Variants in CSMD1 observed in about 807,000 individuals in gnomAD.
The protein encoded by CSMD1 is CUB and Sushi multiple domains 1.
In CSMD1, 213 loss-of-function variants were observed where a neutral mutation model predicts 417.5. The ratio of observed to expected loss-of-function variants is 0.51; its 90% CI spans 0.46 to 0.57. The LOEUF is 0.57. Among genes scored for constraint, CSMD1 ranks in the 20% least tolerant of loss-of-function variants. The probability of loss-of-function intolerance (pLI) is 0.00; values close to 1 mark genes in which losing one functional copy is unlikely to be tolerated. For missense variants in CSMD1, 6,923 were observed against 4,529.7 expected, an observed-to-expected ratio of 1.53 and a Z score of -15.17; for synonymous variants, 2,862 against 1,736.8, an observed-to-expected ratio of 1.65 and a Z score of -16.11.
Position 4,133,333 on chromosome 8 carries a change from C to A in CSMD1, c.416-101234G>T, listed in dbSNP as rs779443295. On this transcript the variant is annotated intron_variant, in intron 3 of 69. Transcript: ENST00000635120. ...TGGAATGAGGACAAATAATGATAGACTTCTCAGCATGGTAAGCACTTCACA... is the reference window on the plus strand; with the variant it reads ...TGGAATGAGGACAAATAATGATAGAATTCTCAGCATGGTAAGCACTTCACA... 5.9e-5 allele frequency among the ~76,000 whole-genome samples: 9 copies of A among 152,194 alleles called. 1 individual carries two copies. Among genetic ancestry groups the A allele is most frequent in the Non-Finnish European group, 8.8e-5 (6 of 68,030 alleles).
In CSMD1 at chr8:3,214,508, G is replaced by A. The variant is rs1347672981; in HGVS notation, c.4856C>T (p.Pro1619Leu). 1 of 1,595,590 alleles carries A rather than the reference G, an allele frequency of 6.3e-7. No homozygotes were observed. Among genetic ancestry groups the A allele is most frequent in the Non-Finnish European group, 8.5e-7 (1 of 1,170,956 alleles). Residue 1619 changes from proline (P) to leucine (L), a missense_variant, in exon 30 of 70, where the codon CCC becomes CTC. Pro to Leu is a moderately conservative substitution (Grantham distance 98). Transcript: ENST00000635120. Reference protein sequence around the residue: ...DGKPSWDQVLPSCNAPCGGQY... With the variant: ...DGKPSWDQVLLSCNAPCGGQY... ...AAGCGTGCACTCACCATTGCAGGAG[G>A]GCAGCACTTGGTCCCAGGAGGGTTT...
intron 3 of CSMD1, among the ~76,000 whole-genome samples, chr8:4,193,992 A>C (rs1337934058): frequency 6.6e-6 from 1 of 152,104 alleles, no homozygotes; most frequent in African/African-American, 2.4e-5. Flanking sequence ...TATGATTACT[A>C]TATATCCCCT....
At chr8:3,177,289 A>C (rs942731206) in intron 37 of CSMD1, among the ~76,000 whole-genome samples, 3 of 152,162 alleles carry the variant, frequency 2.0e-5, no homozygotes, top group Non-Finnish European at 4.4e-5. Context: ...TCAGGGGGCT[A>C]TAAGAAAGCC....
At chr8:3,495,548 C>A (rs1218416710) in intron 10 of CSMD1, among the ~76,000 whole-genome samples, 1 of 152,224 alleles carries the variant, frequency 6.6e-6, no homozygotes, top group Non-Finnish European at 1.5e-5. Context: ...GTCCTGTTGT[C>A]AAACACCAAT....
chr8:3,292,313 G>T (rs1803639562), intron 25 of CSMD1, among the ~76,000 whole-genome samples: 1 of 152,094 alleles, frequency 6.6e-6, no homozygotes, highest in Admixed American at 6.6e-5. Flanking sequence ...GTTGATTTGG[G>T]GTGGAGAGTT....
chr8:4,203,918 T>C lies in CSMD1; in HGVS notation c.416-171819A>G, dbSNP rs114691482. Among the ~76,000 whole-genome samples, 522 of 152,186 alleles carry C rather than the reference T, an allele frequency of 3.4e-3. 2 individuals are homozygous for C. Among genetic ancestry groups the C allele is most frequent in the Middle Eastern group, 0.02 (6 of 294 alleles). On this transcript the variant is annotated intron_variant, in intron 3 of 69. Coordinates refer to ENST00000635120, the MANE Select transcript of CSMD1 (RefSeq NM_033225.6). ...GAGTTTGAGGCCAGCCTGGGAAATA[T>C]GGCGAAACCTCATCTCTACAAAAAA...
chr8:4,376,951 C>T (rs1802787020), intron 3 of CSMD1, among the ~76,000 whole-genome samples: 3 of 152,156 alleles, frequency 2.0e-5, no homozygotes, highest in Non-Finnish European at 2.9e-5. Flanking sequence ...GTTCACTCCT[C>T]CACTCACCGC....
intron 3 of CSMD1, among the ~76,000 whole-genome samples, chr8:4,234,441 C>A (rs529960163): frequency 2.4e-4 from 37 of 152,206 alleles, no homozygotes; most frequent in Non-Finnish European, 3.7e-4. Context: ...CCTTTGCTAC[C>A]AAGACGTCCA....
At chr8:3,680,127 T>A (rs1280338022) in intron 7 of CSMD1, among the ~76,000 whole-genome samples, 4 of 151,828 alleles carry the variant, frequency 2.6e-5, no homozygotes, top group Non-Finnish European at 4.4e-5. Flanking sequence ...TTGAAACAAC[T>A]AGAGAAGCAA....
chr8:3,462,961 A>G (rs1172768157), intron 12 of CSMD1, among the ~76,000 whole-genome samples: 2 of 152,204 alleles, frequency 1.3e-5, no homozygotes, highest in Non-Finnish European at 2.9e-5. Flanking sequence ...CTTGTGAAGG[A>G]TGTCCAGGCT....
At chr8:4,736,241 C>T (rs866229525) in intron 1 of CSMD1, among the ~76,000 whole-genome samples, 8 of 152,226 alleles carry the variant, frequency 5.3e-5, no homozygotes, top group African/African-American at 1.2e-4. Flanking sequence ...TAAAAAGAGA[C>T]GTAAAAGTTC....
At chr8:3,053,933 G>A (rs138956777) in intron 49 of CSMD1, among the ~76,000 whole-genome samples, 21 of 152,300 alleles carry the variant, frequency 1.4e-4, no homozygotes, top group African/African-American at 4.6e-4. Context: ...TTTTTCCCAT[G>A]TAGATTCTAA....
rs576688824 is a variant in CSMD1, at chr8:4,044,821, G to T, written c.416-12722C>A. Among the ~76,000 whole-genome samples, 3 of 127,824 alleles carry T rather than the reference G, an allele frequency of 2.3e-5. No individual in the cohort carries two copies. The South Asian group carries it at 8.0e-4, about 34-fold the overall frequency. The allele number at this position is 127,824 out of a possible 152,430, so 83.9% of individuals were successfully genotyped here. ...ACCACCCTGGATGTGAACCATCCTC[G>T]ATGAGTAGCACCCCAGGCTTGTACC... On this transcript the variant is annotated intron_variant, in intron 3 of 69. Coordinates refer to ENST00000635120, the MANE Select transcript of CSMD1 (RefSeq NM_033225.6).
chr8:3,644,990 A>AAAAAAAAAAAC (rs1223991389), intron 7 of CSMD1, among the ~76,000 whole-genome samples: 1 of 151,296 alleles, frequency 6.6e-6, no homozygotes, highest in African/African-American at 2.4e-5. Flanking sequence ...AAAAAAAAAA[A>AAAAAAAAAAAC]AGTCAATTGT....
intron 3 of CSMD1, among the ~76,000 whole-genome samples, chr8:4,063,719 C>T (rs1315769886): frequency 6.6e-6 from 1 of 152,176 alleles, no homozygotes; most frequent in African/African-American, 2.4e-5. Flanking sequence ...AAGGAGTCCA[C>T]TGCCTTAGAA....
chr8:4,499,251 G>T (rs946285850), intron 2 of CSMD1, among the ~76,000 whole-genome samples: 1 of 152,172 alleles, frequency 6.6e-6, no homozygotes, highest in African/African-American at 2.4e-5. Context: ...TGGGATTCTG[G>T]ATAAGCACAG....
At position 4,193,472 on chromosome 8, in the gene CSMD1, G is replaced by T. The variant is rs146927303; in HGVS notation, c.416-161373C>A. Among the ~76,000 whole-genome samples, 8 of 151,934 alleles carry T rather than the reference G, an allele frequency of 5.3e-5. No homozygotes were observed. The East Asian group carries it at 1.5e-3, about 29-fold the overall frequency. ...AGGTCATGTTTTCCCTGGATGGAAT[G>T]ATGGACATTAGGGAAGGTGACGATG... On this transcript the variant is annotated intron_variant, in intron 3 of 69. Coordinates refer to ENST00000635120, the MANE Select transcript of CSMD1 (RefSeq NM_033225.6).
chr8:4,844,844 A>T (rs1484632054), intron 1 of CSMD1, among the ~76,000 whole-genome samples: 2 of 152,158 alleles, frequency 1.3e-5, no homozygotes, highest in Non-Finnish European at 2.9e-5. Context: ...AAAATTTAAA[A>T]AGCTAAGAGA....
chr8:3,312,452 A>G (rs1168162639), intron 23 of CSMD1, among the ~76,000 whole-genome samples: 1 of 152,148 alleles, frequency 6.6e-6, no homozygotes, highest in Non-Finnish European at 1.5e-5. Flanking sequence ...TATAAAATAC[A>G]TTCCTCTTTC....
Sources: allele counts gnomAD v4.1 joint callset (sites outside exome capture counted in the v4.1 genomes callset), GRCh38; gene constraint gnomAD v4.1.1; transcripts MANE v1.5; gene names NCBI Gene and HGNC (gene_info 2026-07-23, HGNC 2026-07-21).